The following XPO1 variants were observed in gnomAD, a reference collection of about 807,000 sequenced individuals.
XPO1 encodes the protein exportin 1.
Under a neutral mutation model 133.3 loss-of-function variants are expected in XPO1, and 5 were observed. That is an observed-to-expected ratio of 0.04 (90% CI 0.02 to 0.08). The LOEUF (loss-of-function observed/expected upper bound fraction) is 0.08, where lower values mean the gene tolerates loss of function less well. XPO1 is among the 10% of genes least tolerant of loss of function. XPO1 has a pLI of 1.00. For synonymous variants in XPO1, 419 were observed against 408.2 expected, an observed-to-expected ratio of 1.03 and a Z score of -0.32; for missense variants, 506 against 1,267.5, an observed-to-expected ratio of 0.40 and a Z score of 9.12.
At chr2:61,479,130 G>A (rs1241932881) in intron 24 of XPO1, among the ~76,000 whole-genome samples, 164 bp from the exon 25 acceptor site, 3 of 152,184 alleles carry the variant, frequency 2.0e-5, no homozygotes, top group Non-Finnish European at 4.4e-5. Flanking sequence ...CTACATAGCT[G>A]AATGAACTGC....
intron 17 of XPO1, among the ~76,000 whole-genome samples, chr2:61,490,243 G>T (rs901113481): frequency 6.9e-6 from 1 of 144,508 alleles, no homozygotes; most frequent in Non-Finnish European, 1.5e-5. Flanking sequence ...CTGTCGTCTC[G>T]GCTAGAGAAC....
intron 24 of XPO1, among the ~76,000 whole-genome samples, chr2:61,479,598 TTC>T (rs1696235620): frequency 2.0e-5 from 3 of 152,350 alleles, no homozygotes; most frequent in African/African-American, 4.8e-5. Context: ...ACAAATTTTG[TTC>T]TCTTTGTGAT....
chr2:61,517,883 C>T (rs997450841), intron 4 of XPO1, among the ~76,000 whole-genome samples: 4 of 152,006 alleles, frequency 2.6e-5, no homozygotes, highest in Non-Finnish European at 5.9e-5. Flanking sequence ...CCTATAATCC[C>T]AGCACTCTGG....
intron 4 of XPO1, 30 bp from the exon 5 acceptor site, chr2:61,502,340 ATTG>A (rs776450500): frequency 3.6e-5 from 57 of 1,593,310 alleles, no homozygotes; most frequent in Admixed American, 3.3e-4. Flanking sequence ...TAATAAAAAA[ATTG>A]TTGAGCTCTT....
intron 17 of XPO1, 60 bp downstream of exon 17, chr2:61,490,582 G>T: frequency 6.2e-7 from 1 of 1,603,818 alleles, no homozygotes; most frequent in Non-Finnish European, 8.5e-7. Context: ...CAATACATTT[G>T]TAAAGAACAC....
intron 9 of XPO1, among the ~76,000 whole-genome samples, chr2:61,497,811 A>AT (rs1276178156): frequency 6.6e-6 from 1 of 152,356 alleles, no homozygotes; most frequent in East Asian, 1.9e-4. Context: ...AAACATTAAA[A>AT]TATTTAAATA....
chr2:61,506,156 C>G (rs969689758), intron 4 of XPO1, among the ~76,000 whole-genome samples: 6 of 152,160 alleles, frequency 3.9e-5, no homozygotes, highest in African/African-American at 1.4e-4. Context: ...ACGGATGGCT[C>G]ACGCCTGTAA....
Position 61,498,771 on chromosome 2 carries a change from G to C in XPO1, c.661C>G (p.Leu221Val), listed in dbSNP as rs2104491532. Residue 221 changes from leucine to valine, a missense_variant, in exon 9 of 25, where the codon CTT becomes GTT. Around this residue, in one of 6 missense-constraint regions of XPO1, gnomAD observed 134 missense variants for 261.6 expected, o/e 0.51. Coordinates refer to ENST00000401558, the MANE Select transcript of XPO1 (RefSeq NM_003400.4). ...FVMENSQNAPLVHATLETLLR... is the reference protein window; with the variant it reads ...FVMENSQNAPVVHATLETLLR... ...AATGTTTCCAAGGTTGCATGTACAA[G>C]TGGAGCATTTTGAGAATTTTCCTAT... The C allele has an allele frequency of 6.2e-7, 1 of 1,613,980 alleles. No homozygotes were observed. Among genetic ancestry groups the C allele is most frequent in the Non-Finnish European group, 8.5e-7 (1 of 1,179,966 alleles).
At chr2:61,524,195 A>C (rs1353272461) in intron 3 of XPO1, among the ~76,000 whole-genome samples, 1 of 152,202 alleles carries the variant, frequency 6.6e-6, no homozygotes, top group Non-Finnish European at 1.5e-5. Context: ...CACTGCTTAC[A>C]ATATATCCTC....
At chr2:61,491,740 GA>G (rs34369096) in intron 16 of XPO1, among the ~76,000 whole-genome samples, 1 of 151,960 alleles carries the variant, frequency 6.6e-6, no homozygotes, top group Non-Finnish European at 1.5e-5. Flanking sequence ...CCAAGGGGGG[GA>G]AAAAGGTTAG....
chr2:61,520,201 C>T (rs1170990997), intron 4 of XPO1, among the ~76,000 whole-genome samples: 1 of 152,010 alleles, frequency 6.6e-6, no homozygotes, highest in East Asian at 1.9e-4. Context: ...AGGACACTTA[C>T]AGAAAAAGGA....
intron 4 of XPO1, among the ~76,000 whole-genome samples, chr2:61,518,404 AAAC>A (rs1240357891): frequency 6.9e-6 from 1 of 144,052 alleles, no homozygotes; most frequent in Non-Finnish European, 1.5e-5. Flanking sequence ...AAAAAACAAA[AAAC>A]AAAAAACAAA....
intron 2 of XPO1, among the ~76,000 whole-genome samples, chr2:61,529,693 T>C (rs528611034): frequency 5.1e-4 from 78 of 151,980 alleles, no homozygotes; most frequent in Middle Eastern, 6.8e-3. Context: ...AAAGAAATTA[T>C]ATGCTTATCC....
chr2:61,537,202 G>A (rs1184905682), intron 1 of XPO1: 2 of 151,768 alleles, frequency 1.3e-5, no homozygotes, highest in Non-Finnish European at 2.9e-5. Context: ...AATTTACAGA[G>A]ATGTTCCTGA....
chr2:61,490,604 TC>T, intron 17 of XPO1, 37 bp downstream of exon 17: 1 of 1,613,120 alleles, frequency 6.2e-7, no homozygotes, highest in Non-Finnish European at 8.5e-7. Context: ...TCTTGTTAAA[TC>T]CCATGAAAAC....
At chr2:61,533,006 C>A (rs35585307) in intron 2 of XPO1, among the ~76,000 whole-genome samples, 1 of 151,662 alleles carries the variant, frequency 6.6e-6, no homozygotes, top group Admixed American at 6.6e-5. Context: ...CGGTGAAACC[C>A]CATCTCTACT....
At chr2:61,529,442 G>A (rs893099854) in intron 2 of XPO1, among the ~76,000 whole-genome samples, 3 of 152,038 alleles carry the variant, frequency 2.0e-5, no homozygotes, top group African/African-American at 4.8e-5. Flanking sequence ...TGGATCACGA[G>A]GTCAGAAGTT....
intron 4 of XPO1, among the ~76,000 whole-genome samples, chr2:61,518,216 G>C (rs1211543182): frequency 1.3e-5 from 2 of 151,744 alleles, no homozygotes; most frequent in African/African-American, 2.4e-5. Flanking sequence ...TTGCACCACT[G>C]TACTCCAGCC....
chr2:61,480,762 A>G (rs1696308018), intron 24 of XPO1, among the ~76,000 whole-genome samples: 1 of 146,612 alleles, frequency 6.8e-6, no homozygotes, highest in Non-Finnish European at 1.5e-5. Context: ...TTAAAGCAAG[A>G]TGTTCAAAGA....
Sources: gnomAD v4.1 joint callset for allele counts (sites outside exome capture counted in the v4.1 genomes callset) on GRCh38, gnomAD v4.1.1 for gene constraint, gnomAD v4.1.1 regional missense constraint, MANE v1.5 for transcripts, NCBI Gene and HGNC (gene_info 2026-07-23, HGNC 2026-07-21) for gene names.